Variants in GATA6 observed in about 807,000 individuals in gnomAD.
The protein encoded by GATA6 is GATA binding protein 6, also known as transcription factor GATA-6.
Under a neutral mutation model 48.1 loss-of-function variants are expected in GATA6, and 11 were observed. The ratio of observed to expected loss-of-function variants is 0.23; its 90% CI spans 0.14 to 0.38. The LOEUF (loss-of-function observed/expected upper bound fraction) is 0.38. Ranked by LOEUF, GATA6 falls within the 10% of genes least tolerant of loss-of-function variation. The pLI, the probability that GATA6 is intolerant of heterozygous loss-of-function variation, is 1.00. For missense variants in GATA6, 795 were observed against 850.3 expected, an observed-to-expected ratio of 0.93 and a Z score of 0.81; for synonymous variants, 419 against 396.1, an observed-to-expected ratio of 1.06 and a Z score of -0.69.
chr18:22,178,777 A>C (rs142901376), intron 3 of GATA6, among the ~76,000 whole-genome samples: 10 of 152,324 alleles, frequency 6.6e-5, no homozygotes, highest in African/African-American at 2.2e-4. Flanking sequence ...ATGTTTTCTT[A>C]AATGCATCAT....
rs1481597424 is a variant in GATA6 at position 22,176,980 on chromosome 18, C to T, written c.1161C>T (p.Ser387=). The T allele has an allele frequency of 6.4e-7, 1 of 1,565,880 alleles. No individual in the cohort carries two copies. The highest frequency in any genetic ancestry group is 1.4e-5 in the African/African-American group (1 of 73,330). The part of the protein sequence containing the change: ...SADLLEDLSE[S]RECVNCGSIQ... Reference sequence around the variant, plus strand: ...ACCTGCTGGAGGACCTGTCCGAGAGCCGCGAGTGCGTGAACTGCGGCTCCA... The same window carrying T: ...ACCTGCTGGAGGACCTGTCCGAGAGTCGCGAGTGCGTGAACTGCGGCTCCA... The change falls in exon 3 of 7, where the codon AGC becomes AGT. Residue 387 remains serine, a synonymous_variant. Coordinates refer to ENST00000269216, the MANE Select transcript of GATA6 (RefSeq NM_005257.6).
At chr18:22,184,893 C>G (rs1408505102) in intron 6 of GATA6, among the ~76,000 whole-genome samples, 2 of 152,180 alleles carry the variant, frequency 1.3e-5, no homozygotes, top group African/African-American at 2.4e-5. Flanking sequence ...GGAGCCGCCT[C>G]TCTCCTAGCT....
At chr18:22,190,351 A>G (rs1297089415) in intron 6 of GATA6, among the ~76,000 whole-genome samples, 2 of 152,264 alleles carry the variant, frequency 1.3e-5, no homozygotes, top group Non-Finnish European at 2.9e-5. Flanking sequence ...TAAGAGAAAC[A>G]CAAGATTGCC....
intron 3 of GATA6, 147 bp downstream of exon 3, chr18:22,177,268 G>A: frequency 1.4e-6 from 1 of 709,974 alleles, no homozygotes. Flanking sequence ...CGGGGACCCA[G>A]CGGTACCATC....
At position 22,171,347 on chromosome 18, in the gene GATA6, A is replaced by T. The variant is rs200483324; in HGVS notation, c.203A>T (p.Glu68Val). The T allele has an allele frequency of 5.7e-5, 91 of 1,586,224 alleles. 1 individual carries two copies. The East Asian group carries it at 1.9e-3, about 33-fold the overall frequency. The change falls in exon 2 of 7, where the codon GAG becomes GTG. Residue 68 changes from glutamate to valine, a missense_variant. Around this residue, in one of 5 missense-constraint regions of GATA6, gnomAD observed 591 missense variants for 570.0 expected, o/e 1.04. Transcript: ENST00000269216. The surrounding 1 kb of genome is among the most constrained non-coding windows in gnomAD (Gnocchi z 7.1). Reference sequence around the variant, plus strand: ...TGCGGGACGCCTCAGCTCGACACGGAGGCGGCGGCCGGACCCCCGGCCCGC... The same window carrying T: ...TGCGGGACGCCTCAGCTCGACACGGTGGCGGCGGCCGGACCCCCGGCCCGC... Reference protein sequence around the residue: ...SNCGTPQLDTEAAAGPPARSL... With the variant: ...SNCGTPQLDTVAAAGPPARSL...
At chr18:22,197,079 C>CTTT (rs34814440) in intron 6 of GATA6, among the ~76,000 whole-genome samples, 48 of 133,670 alleles carry the variant, frequency 3.6e-4, no homozygotes, top group African/African-American at 4.2e-4. Context: ...TTAGCCAATT[C>CTTT]TTTTTTTTTT....
intron 6 of GATA6, among the ~76,000 whole-genome samples, chr18:22,187,421 A>G (rs759190391): frequency 1.9e-4 from 29 of 152,278 alleles, no homozygotes; most frequent in Middle Eastern, 6.8e-3. Flanking sequence ...TGCAGGTTGC[A>G]GTGAGCTGAG....
chr18:22,176,162 C>T (rs1216274764), intron 2 of GATA6, among the ~76,000 whole-genome samples: 1 of 152,108 alleles, frequency 6.6e-6, no homozygotes, highest in Non-Finnish European at 1.5e-5. Flanking sequence ...AAAATGATCA[C>T]TGGGAAGGTC....
At chr18:22,193,357 C>T (rs183720313) in intron 6 of GATA6, among the ~76,000 whole-genome samples, 228 of 152,318 alleles carry the variant, frequency 1.5e-3, no homozygotes, top group African/African-American at 5.2e-3. Flanking sequence ...TACCTCCAGC[C>T]AAACTGAAAT....
intron 3 of GATA6, among the ~76,000 whole-genome samples, chr18:22,178,129 T>G (rs1395851692): frequency 6.6e-6 from 1 of 151,458 alleles, no homozygotes; most frequent in East Asian, 1.9e-4. Flanking sequence ...GCCCGGCTCA[T>G]TTTTTTGTAT....
intron 6 of GATA6, among the ~76,000 whole-genome samples, chr18:22,197,380 A>T (rs1343953701): frequency 6.6e-6 from 1 of 152,150 alleles, no homozygotes; most frequent in African/African-American, 2.4e-5. Flanking sequence ...CAATAATCTT[A>T]TGGCATAGGT....
Position 22,171,659 on chromosome 18 carries a change from C to G in GATA6, c.515C>G (p.Ser172Cys). Residue 172 changes from serine (S) to cysteine (C), a missense_variant, in exon 2 of 7, where the codon TCT becomes TGT. Ser to Cys is a moderately radical substitution (Grantham distance 112). Around this residue, in one of 5 missense-constraint regions of GATA6, gnomAD observed 591 missense variants for 570.0 expected, o/e 1.04. Transcript: ENST00000269216. The surrounding 1 kb of genome is among the most constrained non-coding windows in gnomAD (Gnocchi z 7.1). ...YDGAPGGFVH[S>C]AAAAAAAAAA... The stretch of plus-strand genomic sequence containing the variant: ...GGCGCGCCCGGCGGCTTCGTGCACT[C>G]TGCGGCCGCGGCGGCAGCAGCCGCG... The G allele has an allele frequency of 6.5e-7, 1 of 1,536,012 alleles. No individual in the cohort carries two copies. Among genetic ancestry groups the G allele is most frequent in the South Asian group, 1.2e-5 (1 of 83,786 alleles).
At position 22,177,948 on chromosome 18, in the gene GATA6, TTTTG is replaced by T. The variant is rs1333586240; in HGVS notation, c.1302+831_1302+834del. On this transcript the variant is annotated intron_variant, in intron 3 of 6. Coordinates refer to ENST00000269216, the MANE Select transcript of GATA6 (RefSeq NM_005257.6). ...CCAATTCGCACACGTTTTACTGTTT[TTTTG>T]TTTTTTTTTTTTTTTTTTTTTTTTT... is the stretch of plus-strand genomic sequence containing the variant. Among the ~76,000 whole-genome samples the T allele has an allele frequency of 1.4e-4, 17 of 121,400 alleles. 4 individuals carry two copies. Among genetic ancestry groups the T allele is most frequent in the African/African-American group, 7.8e-4 (15 of 19,288 alleles). The allele number at this position is 121,400 out of a possible 152,430, so 79.6% of individuals were successfully genotyped here.
At chr18:22,181,825 A>G (rs1469532245) in intron 4 of GATA6, among the ~76,000 whole-genome samples, 1 of 152,238 alleles carries the variant, frequency 6.6e-6, no homozygotes, top group Non-Finnish European at 1.5e-5. Flanking sequence ...CTACCAGTTG[A>G]ACTATTGCAA....
In GATA6 at chr18:22,200,986, T is replaced by C; in HGVS notation, c.*163T>C. 1.0e-5 allele frequency: 9 copies of C among 889,914 alleles called. No homozygotes were observed. Among genetic ancestry groups the C allele is most frequent in the Non-Finnish European group, 1.5e-5 (9 of 594,352 alleles). 55.1% of individuals were successfully genotyped at this position (889,914 alleles called of 1,614,324 possible). On this transcript the variant is annotated 3_prime_UTR_variant, in exon 7 of 7. Transcript: ENST00000269216. ...TTTCCCAAGAGGCTTGCTGAAAGAG[T>C]GAGAGAAGATGGAAGGGAAGGGCCA...
chr18:22,192,714 G>A (rs1200528201), intron 6 of GATA6, among the ~76,000 whole-genome samples: 1 of 152,184 alleles, frequency 6.6e-6, no homozygotes, highest in Non-Finnish European at 1.5e-5. Context: ...TTAATTTGAA[G>A]ATTAGAATAG....
chr18:22,198,060 T>C lies in GATA6; in HGVS notation c.1621-2596T>C, dbSNP rs1483874003. On this transcript the variant is annotated intron_variant, in intron 6 of 6. Transcript: ENST00000269216. The stretch of plus-strand genomic sequence containing the variant: ...GTTGCTTTGCCAATGTTTCTTTTTT[T>C]CTTCTCTTTCTTTCTTTTTTTTTTT... 2.1e-5 allele frequency among the ~76,000 whole-genome samples: 3 copies of C among 141,478 alleles called. No homozygotes were observed. In the East Asian group the frequency reaches 7.0e-4, roughly 33 times the overall value. The allele number at this position is 141,478 out of a possible 152,430, so 92.8% of individuals were successfully genotyped here.
intron 6 of GATA6, among the ~76,000 whole-genome samples, chr18:22,199,445 T>G (rs529175228): frequency 1.3e-5 from 2 of 152,300 alleles, no homozygotes; most frequent in African/African-American, 4.8e-5. Flanking sequence ...TATGGCGAAA[T>G]TTTTCAAAAA....
At chr18:22,198,362 T>C (rs2033417961) in intron 6 of GATA6, among the ~76,000 whole-genome samples, 1 of 152,208 alleles carries the variant, frequency 6.6e-6, no homozygotes, top group Non-Finnish European at 1.5e-5. Flanking sequence ...CGAGCCACCG[T>C]GCCCAGCCTG....
Sources: allele counts gnomAD v4.1 joint callset (sites outside exome capture counted in the v4.1 genomes callset), GRCh38; gene constraint gnomAD v4.1.1; regional missense constraint gnomAD v4.1.1; non-coding constraint Gnocchi (gnomAD v3.1); transcripts MANE v1.5; gene names NCBI Gene and HGNC (gene_info 2026-07-23, HGNC 2026-07-21).